DNAH5: variants seen among roughly 807,000 people sequenced by gnomAD.
DNAH5 encodes the protein dynein axonemal heavy chain 5, also known as axonemal beta dynein heavy chain 5.
Under a neutral mutation model 518.2 loss-of-function variants are expected in DNAH5, and 372 were observed. That is an observed-to-expected ratio of 0.72 (90% CI 0.66 to 0.78). DNAH5 has a LOEUF of 0.78. Among genes scored for constraint, DNAH5 ranks in the 30% least tolerant of loss-of-function variants. The pLI, the probability that DNAH5 is intolerant of heterozygous loss-of-function variation, is 0.00. For synonymous variants in DNAH5, 2,039 were observed against 2,025.9 expected (o/e 1.01, Z -0.17); for missense variants, 5,523 against 5,687.0 (o/e 0.97, Z 0.93).
chr5:13,887,484 C>G (rs1392917635), intron 17 of DNAH5, among the ~76,000 whole-genome samples: 1 of 152,152 alleles, frequency 6.6e-6, no homozygotes, highest in Non-Finnish European at 1.5e-5. Context: ...ACTTATCCTG[C>G]TTCATTTCAA....
intron 27 of DNAH5, 143 bp from the exon 28 acceptor site, chr5:13,864,780 G>T: frequency 1.1e-6 from 1 of 899,532 alleles, no homozygotes; most frequent in Non-Finnish European, 1.8e-6. Flanking sequence ...CAGGCTGTCT[G>T]TTCATATAAT....
intron 78 of DNAH5, among the ~76,000 whole-genome samples, chr5:13,696,940 G>C (rs1434488427): frequency 6.6e-6 from 1 of 152,080 alleles, no homozygotes; most frequent in East Asian, 1.9e-4. Flanking sequence ...CAGCAGGGTG[G>C]GTATAGTTCT....
chr5:13,955,002 T>A (rs150287652), intron 1 of DNAH5, among the ~76,000 whole-genome samples: 1 of 152,292 alleles, frequency 6.6e-6, no homozygotes, highest in East Asian at 1.9e-4. Context: ...CAACGCGAAG[T>A]CAAAGGCAGA....
chr5:13,714,295 G>A lies in DNAH5; in HGVS notation c.13125+110C>T. The A allele has an allele frequency of 2.5e-6, 3 of 1,207,252 alleles. No individual in the cohort carries two copies. The South Asian group carries it at 3.8e-5, about 15-fold the overall frequency. The allele number at this position is 1,207,252 out of a possible 1,614,324, so 74.8% of individuals were successfully genotyped here. On this transcript the variant is annotated intron_variant, in intron 75 of 78. Coordinates refer to ENST00000265104, the MANE Select transcript of DNAH5 (RefSeq NM_001369.3). ...TTAAGAAGCTGGTTTTTAAAAGAAT[G>A]TTTTTTAATTTCAGGAAAATCATTT...
chr5:13,907,494 A>G (rs944956242), intron 12 of DNAH5, among the ~76,000 whole-genome samples: 1 of 152,222 alleles, frequency 6.6e-6, no homozygotes, highest in Non-Finnish European at 1.5e-5. Flanking sequence ...TATTAATCAA[A>G]GAATAAAAAT....
chr5:13,779,084 C>T (rs1754699009), intron 53 of DNAH5, among the ~76,000 whole-genome samples: 2 of 152,204 alleles, frequency 1.3e-5, no homozygotes, highest in Non-Finnish European at 1.5e-5. Context: ...TGCTATCTGT[C>T]CTACTAACTC....
chr5:13,793,405 A>G, intron 49 of DNAH5, 110 bp downstream of exon 49: 2 of 877,454 alleles, frequency 2.3e-6, no homozygotes, highest in South Asian at 2.7e-5. Context: ...CTGTAGACCA[A>G]GGAGCCACCC....
Position 13,905,707 on chromosome 5 carries a change from A to G in DNAH5, c.1645-3569T>C, listed in dbSNP as rs374914562. Among the ~76,000 whole-genome samples, 6 of 152,214 alleles carry G rather than the reference A, an allele frequency of 3.9e-5. No individual in the cohort carries two copies. In the East Asian group the frequency reaches 5.8e-4, roughly 15 times the overall value. ...AAATGGTATGGCCATGTTGGAAGAC[A>G]GTTTGATGGATTCTTATAAAACTAA... On this transcript the variant is annotated intron_variant, in intron 12 of 78. Coordinates refer to ENST00000265104, the MANE Select transcript of DNAH5 (RefSeq NM_001369.3).
At chr5:13,792,408 A>C in intron 49 of DNAH5, among the ~76,000 whole-genome samples, 191 bp from the exon 50 acceptor site, 1 of 152,216 alleles carries the variant, frequency 6.6e-6, no homozygotes, top group East Asian at 1.9e-4. Context: ...ATACAAGTTT[A>C]AGAAAATAAG....
chr5:13,866,352 A>G, intron 25 of DNAH5, 70 bp from the exon 26 acceptor site: 2 of 1,263,544 alleles, frequency 1.6e-6, no homozygotes, highest in Non-Finnish European at 2.3e-6. Context: ...CTCAATCCAT[A>G]TTTAAATATT....
intron 12 of DNAH5, among the ~76,000 whole-genome samples, chr5:13,905,704 G>C (rs920137643): frequency 6.6e-6 from 1 of 152,130 alleles, no homozygotes; most frequent in African/African-American, 2.4e-5. Flanking sequence ...CATGTTGGAA[G>C]ACAGTTTGAT....
In DNAH5 at chr5:13,901,580, T is replaced by A. The variant is rs1224957158; in HGVS notation, c.1731-7A>T. ...AAGATTAGGTATATTCAATCTGATTTTTTTAAAAAGTTAAAAGCTTGAATT... is the reference window on the plus strand; with the variant it reads ...AAGATTAGGTATATTCAATCTGATTATTTTAAAAAGTTAAAAGCTTGAATT... On this transcript the variant is annotated splice_region_variant and splice_polypyrimidine_tract_variant and intron_variant, in intron 13 of 78. Transcript: ENST00000265104. 3.8e-6 allele frequency: 6 copies of A among 1,595,874 alleles called. No homozygotes were observed. The African/African-American group carries it at 8.1e-5, about 21-fold the overall frequency.
At chr5:13,775,977 A>AAAAG in intron 55 of DNAH5, among the ~76,000 whole-genome samples, 1 of 151,968 alleles carries the variant, frequency 6.6e-6, no homozygotes, top group African/African-American at 2.4e-5. Context: ...GCTTTCAAAA[A>AAAAG]AAAAAAAAAA....
At chr5:13,837,567 A>T (rs1007263041) in intron 35 of DNAH5, among the ~76,000 whole-genome samples, 4 of 152,112 alleles carry the variant, frequency 2.6e-5, no homozygotes, top group Non-Finnish European at 5.9e-5. Context: ...TCTCAAAAAA[A>T]AAAACATGAA....
chr5:13,923,054 G>A (rs963567548), intron 4 of DNAH5, among the ~76,000 whole-genome samples: 4 of 152,076 alleles, frequency 2.6e-5, no homozygotes, highest in African/African-American at 7.2e-5. Context: ...ACACCCAGAA[G>A]GTTATATCAA....
Position 13,902,064 on chromosome 5 carries a change from C to A in DNAH5, c.1719G>T (p.Lys573Asn), listed in dbSNP as rs1774699613. The change falls in exon 13 of 79, where the codon AAG (lysine) becomes AAT (asparagine). Residue 573 changes from lysine (K) to asparagine (N), a missense_variant. By Grantham distance (94) the Lys-to-Asn change is moderately conservative (BLOSUM62 0). Coordinates refer to ENST00000265104, the MANE Select transcript of DNAH5 (RefSeq NM_001369.3). ...QNTNQALRML[K>N]KFERLNIPNL... ...CTTGAAAATTTTACCTTTCAAATTT[C>A]TTCAACATTCTTAGAGCTTGATTTG... 6.2e-7 allele frequency: 1 copy of A among 1,601,270 alleles called. No homozygotes were observed. Among genetic ancestry groups the A allele is most frequent in the Non-Finnish European group, 8.5e-7 (1 of 1,171,798 alleles).
chr5:13,798,731 TTTTATTTATTTTA>T (rs1758226839), intron 47 of DNAH5, among the ~76,000 whole-genome samples: 1 of 89,120 alleles, frequency 1.1e-5, no homozygotes, highest in East Asian at 2.5e-4. Context: ...TTCATCATGA[TTTTATTTATTTTA>T]TTTATTTATT....
chr5:14,005,448 T>A lies in DNAH5; in HGVS notation c.12+6200A>T, dbSNP rs188017862. On this transcript the variant is annotated intron_variant, in intron 1 of 78. Coordinates refer to the DNAH5 transcript ENST00000681290. ...ATCACAGGAACACAAAAATAAAGGTTTGTGGGACACAGAATGCTGAGCCAA... is the reference window on the plus strand; with the variant it reads ...ATCACAGGAACACAAAAATAAAGGTATGTGGGACACAGAATGCTGAGCCAA... Among the ~76,000 whole-genome samples the A allele has an allele frequency of 9.2e-5, 14 of 152,304 alleles. No homozygotes were observed. In the East Asian group the frequency reaches 2.3e-3, roughly 25 times the overall value.
At chr5:13,983,148 C>G (rs921991891) in intron 1 of DNAH5, among the ~76,000 whole-genome samples, 1 of 152,216 alleles carries the variant, frequency 6.6e-6, no homozygotes, top group Admixed American at 6.5e-5. Context: ...ATCCCAAGAC[C>G]AGTCCCAGCA....
Sources: gnomAD v4.1 joint callset for allele counts (sites outside exome capture counted in the v4.1 genomes callset) on GRCh38, gnomAD v4.1.1 for gene constraint, MANE v1.5 for transcripts, NCBI Gene and HGNC (gene_info 2026-07-23, HGNC 2026-07-21) for gene names.